TSSK3: variants seen among roughly 807,000 people sequenced by gnomAD.
TSSK3 encodes the protein testis specific serine kinase 3, also known as testis-specific serine/threonine-protein kinase 3.
Under a neutral mutation model 18.9 loss-of-function variants are expected in TSSK3, and 16 were observed. The observed-to-expected ratio is 0.85, with a 90% CI of 0.57 to 1.28. The LOEUF (loss-of-function observed/expected upper bound fraction) is 1.28. Ranked by LOEUF, TSSK3 falls within the 50% of genes most tolerant of loss-of-function variation. The pLI is 0.00. For synonymous variants in TSSK3, 146 were observed against 133.9 expected (o/e 1.09, Z -0.62); for missense variants, 345 against 341.0 (o/e 1.01, Z -0.09).
Position 32,362,778 on chromosome 1 carries a change from A to C in TSSK3, c.77A>C (p.Glu26Ala), listed in dbSNP as rs749548597. The change falls in exon 1 of 2, where the codon GAA becomes GCA. Residue 26 changes from glutamate (E) to alanine (A), a missense_variant. By Grantham distance (107) the Glu-to-Ala change is moderately radical. Transcript: ENST00000373534. ...GAAGGGACCTACTCAAAAGTCAAAGAAGCATTTTCCAAAAAACACCAAAGA... is the reference window on the plus strand; with the variant it reads ...GAAGGGACCTACTCAAAAGTCAAAGCAGCATTTTCCAAAAAACACCAAAGA... The part of the protein sequence containing the change: ...IGEGTYSKVK[E>A]AFSKKHQRKV... 1.1e-5 allele frequency: 17 copies of C among 1,614,098 alleles called. No individual in the cohort carries two copies. Among genetic ancestry groups the C allele is most frequent in the South Asian group, 9.9e-5 (9 of 91,084 alleles).
chr1:32,362,918 TAGAACG>T, intron 1 of TSSK3, 72 bp downstream of exon 1: 1 of 1,555,348 alleles, frequency 6.4e-7, no homozygotes, highest in Non-Finnish European at 8.8e-7. Context: ...TCCTGTTTGT[TAGAACG>T]ATCATTCGAT....
Position 32,363,870 on chromosome 1 carries a change from T to G in TSSK3, c.421T>G (p.Leu141Val). ...AHRDLKCENA[L>V]LQGFNLKLTD... is the part of the protein sequence containing the mutation. ...CCGGGACCTCAAATGTGAGAACGCC[T>G]TGTTGCAGGGCTTCAACCTGAAGCT... is the stretch of plus-strand genomic sequence containing the variant. Residue 141 changes from leucine to valine, a missense_variant, in exon 2 of 2, where the codon TTG (leucine) becomes GTG (valine). Transcript: ENST00000373534. 1 of 1,614,192 alleles carries G rather than the reference T, an allele frequency of 6.2e-7. No homozygotes were observed.
At position 32,362,680 on chromosome 1, in the gene TSSK3, T is replaced by G; in HGVS notation, c.-22T>G. 9.9e-6 allele frequency: 16 copies of G among 1,613,462 alleles called. No homozygotes were observed. The highest frequency in any genetic ancestry group is 1.4e-5 in the Non-Finnish European group (16 of 1,179,724). On this transcript the variant is annotated 5_prime_UTR_variant, in exon 1 of 2. Coordinates refer to ENST00000373534, the MANE Select transcript of TSSK3 (RefSeq NM_052841.4). ...GAGGCAGCATGAGCTGAGAGGGTGA[T>G]AGGAAGGCGGCGCTAGACAGCATGG...
rs772504585 is a variant in TSSK3, at chr1:32,362,816, A to G, written c.115A>G (p.Lys39Glu). 1.3e-5 allele frequency: 21 copies of G among 1,614,106 alleles called. No individual in the cohort carries two copies. The highest frequency in any genetic ancestry group is 1.8e-5 in the Non-Finnish European group (21 of 1,180,034). ...AAAACACCAAAGAAAAGTGGCAATT[A>G]AAGTTATAGACAAGATGGGAGGGCC... The part of the protein sequence containing the change: ...SKKHQRKVAI[K>E]VIDKMGGPEE... The change falls in exon 1 of 2, where the codon AAA (lysine) becomes GAA (glutamate). Residue 39 changes from lysine (K) to glutamate (E), a missense_variant. Coordinates refer to ENST00000373534, the MANE Select transcript of TSSK3 (RefSeq NM_052841.4).
In TSSK3 at chr1:32,362,923, C is replaced by G; in HGVS notation, c.145+77C>G. On this transcript the variant is annotated intron_variant, in intron 1 of 1. Coordinates refer to ENST00000373534, the MANE Select transcript of TSSK3 (RefSeq NM_052841.4). The stretch of plus-strand genomic sequence containing the variant: ...GGGTGCTTCCTCCTGTTTGTTAGAA[C>G]GATCATTCGATCATTCCCTGCTCCC... The G allele has an allele frequency of 1.0e-5, 15 of 1,503,438 alleles. No individual in the cohort carries two copies. The South Asian group carries it at 1.8e-4, about 18-fold the overall frequency. The allele number at this position is 1,503,438 out of a possible 1,614,324, so 93.1% of individuals were successfully genotyped here.
chr1:32,363,464 CTTAAGACCA>C (rs1570079884), intron 1 of TSSK3, 122 bp from the exon 2 acceptor site: 1 of 839,082 alleles, frequency 1.2e-6, no homozygotes, highest in East Asian at 2.6e-5. Context: ...GCTAGACACA[CTTAAGACCA>C]TTAAGAAAGC....
Position 32,364,201 on chromosome 1 carries a change from T to C in TSSK3, c.752T>C (p.Ile251Thr). Residue 251 changes from isoleucine to threonine, a missense_variant, in exon 2 of 2, where the codon ATC (isoleucine) becomes ACC (threonine). Coordinates refer to ENST00000373534, the MANE Select transcript of TSSK3 (RefSeq NM_052841.4). ...AAGAGGCTCCTGGAACCCGATATGA[T>C]CCTCCGGCCTTCAATTGAAGAAGTT... ...LLKRLLEPDM[I>T]LRPSIEEVSW... The C allele has an allele frequency of 6.2e-7, 1 of 1,610,352 alleles. No individual in the cohort carries two copies. The highest frequency in any genetic ancestry group is 8.5e-7 in the Non-Finnish European group (1 of 1,176,880).
At position 32,364,193 on chromosome 1, in the gene TSSK3, C is replaced by T. The variant is rs775073782; in HGVS notation, c.744C>T (p.Pro248=). 6.0e-5 allele frequency: 97 copies of T among 1,612,756 alleles called. No individual in the cohort carries two copies. Among genetic ancestry groups the T allele is most frequent in the African/African-American group, 2.7e-5 (2 of 74,878 alleles). ...ACCTGCTCAAGAGGCTCCTGGAACC[C>T]GATATGATCCTCCGGCCTTCAATTG... is the stretch of plus-strand genomic sequence containing the variant. ...CQDLLKRLLE[P]DMILRPSIEE... is the part of the protein sequence containing the mutation. Residue 248 remains proline, a synonymous_variant, in exon 2 of 2, where the codon CCC becomes CCT. Transcript: ENST00000373534.
chr1:32,362,944 C>T, intron 1 of TSSK3, 98 bp downstream of exon 1: 1 of 1,459,026 alleles, frequency 6.9e-7, no homozygotes, highest in South Asian at 1.3e-5. Context: ...TCATTCCCTG[C>T]TCCCGCTGGC....
At position 32,363,706 on chromosome 1, in the gene TSSK3, T is replaced by G; in HGVS notation, c.257T>G (p.Leu86Arg). The change falls in exon 2 of 2, where the codon CTG becomes CGG. Residue 86 changes from leucine to arginine, a missense_variant. Leu to Arg is a moderately radical substitution (Grantham distance 102). Transcript: ENST00000373534. The part of the protein sequence containing the change: ...MLESADGKIC[L>R]VMELAEGGDV... Reference sequence around the variant, plus strand: ...GAGTCTGCCGACGGGAAAATCTGCCTGGTGATGGAGCTCGCTGAGGGAGGG... The same window carrying G: ...GAGTCTGCCGACGGGAAAATCTGCCGGGTGATGGAGCTCGCTGAGGGAGGG... The G allele has an allele frequency of 1.2e-6, 2 of 1,614,164 alleles. No individual in the cohort carries two copies. The highest frequency in any genetic ancestry group is 1.7e-6 in the Non-Finnish European group (2 of 1,180,024).
chr1:32,363,582 C>T lies in TSSK3; in HGVS notation c.146-13C>T. The T allele has an allele frequency of 6.2e-7, 1 of 1,600,318 alleles. No individual in the cohort carries two copies. Among genetic ancestry groups the T allele is most frequent in the South Asian group, 1.1e-5 (1 of 90,078 alleles). On this transcript the variant is annotated splice_polypyrimidine_tract_variant and intron_variant, in intron 1 of 1. Transcript: ENST00000373534. ...GATCTGCCAGCCCATCTCTCCTCCCCTTACTTCCTCAGAGTTTATCCAGAG... is the reference window on the plus strand; with the variant it reads ...GATCTGCCAGCCCATCTCTCCTCCCTTTACTTCCTCAGAGTTTATCCAGAG...
chr1:32,364,216 T>A lies in TSSK3; in HGVS notation c.767T>A (p.Ile256Asn). The change falls in exon 2 of 2, where the codon ATT (isoleucine) becomes AAT (asparagine). Residue 256 changes from isoleucine (I) to asparagine (N), a missense_variant. Coordinates refer to ENST00000373534, the MANE Select transcript of TSSK3 (RefSeq NM_052841.4). ...LEPDMILRPS[I>N]EEVSWHPWLA... ...CCCGATATGATCCTCCGGCCTTCAA[T>A]TGAAGAAGTTAGTTGGCATCCATGG... 1 of 1,607,156 alleles carries A rather than the reference T, an allele frequency of 6.2e-7. No homozygotes were observed. The highest frequency in any genetic ancestry group is 1.1e-5 in the South Asian group (1 of 90,974).
intron 1 of TSSK3, 112 bp from the exon 2 acceptor site, chr1:32,363,483 C>G (rs1641748700): frequency 9.7e-7 from 1 of 1,030,454 alleles, no homozygotes. Context: ...ATTAAGAAAG[C>G]CAAGAAATAA....
rs773054094 is a variant in TSSK3, at chr1:32,363,572, C to G, written c.146-23C>G. The stretch of plus-strand genomic sequence containing the variant: ...GGGCCTTTCTGATCTGCCAGCCCAT[C>G]TCTCCTCCCCTTACTTCCTCAGAGT... On this transcript the variant is annotated intron_variant, in intron 1 of 1. Coordinates refer to ENST00000373534, the MANE Select transcript of TSSK3 (RefSeq NM_052841.4). 9 of 1,588,522 alleles carry G rather than the reference C, an allele frequency of 5.7e-6. No homozygotes were observed. The Admixed American group carries it at 6.8e-5, about 12-fold the overall frequency.
Position 32,362,599 on chromosome 1 carries a change from T to C in TSSK3, c.-103T>C. The C allele has an allele frequency of 7.1e-7, 1 of 1,407,864 alleles. No homozygotes were observed. The allele number at this position is 1,407,864 out of a possible 1,614,324, so 87.2% of individuals were successfully genotyped here. On this transcript the variant is annotated 5_prime_UTR_variant, in exon 1 of 2. Coordinates refer to ENST00000373534, the MANE Select transcript of TSSK3 (RefSeq NM_052841.4). The stretch of plus-strand genomic sequence containing the variant: ...ACGCTGGGGGCGGCTGCGGATGAAG[T>C]CCTTGGGGAGAAAAGGAGCAGGCCA...
In TSSK3 at chr1:32,363,662, C is replaced by A; in HGVS notation, c.213C>A (p.Ile71=). The A allele has an allele frequency of 6.2e-7, 1 of 1,614,220 alleles. No homozygotes were observed. Among genetic ancestry groups the A allele is most frequent in the Non-Finnish European group, 8.5e-7 (1 of 1,180,040 alleles). ...GTACCCTGGACCACAAGAACATCAT[C>A]CAGGTGTATGAGATGCTGGAGTCTG... ...IVRTLDHKNI[I]QVYEMLESAD... Residue 71 remains isoleucine (I), a synonymous_variant, in exon 2 of 2, where the codon ATC becomes ATA. Transcript: ENST00000373534.
At chr1:32,363,425 A>C in intron 1 of TSSK3, 170 bp from the exon 2 acceptor site, 1 of 650,542 alleles carries the variant, frequency 1.5e-6, no homozygotes, top group Admixed American at 2.9e-5. Flanking sequence ...AAAATAATAG[A>C]AGTGAACATT....
Position 32,362,546 on chromosome 1 carries a change from C to T in TSSK3, c.-156C>T. On this transcript the variant is annotated 5_prime_UTR_variant, in exon 1 of 2. Transcript: ENST00000373534. ...TGGCCCTGTCCCTCCCCACCACCCG[C>T]CGCTGTGTCCAGACAGAGAATGTTC... is the stretch of plus-strand genomic sequence containing the variant. 3.6e-6 allele frequency: 3 copies of T among 841,106 alleles called. No homozygotes were observed. Among genetic ancestry groups the T allele is most frequent in the East Asian group, 2.5e-5 (1 of 39,634 alleles). The allele number at this position is 841,106 out of a possible 1,614,324, so 52.1% of individuals were successfully genotyped here.
chr1:32,364,258 A>T lies in TSSK3; in HGVS notation c.*2A>T, dbSNP rs1322775279. On this transcript the variant is annotated 3_prime_UTR_variant, in exon 2 of 2. Coordinates refer to ENST00000373534, the MANE Select transcript of TSSK3 (RefSeq NM_052841.4). ...CATCCATGGCTAGCAAGCACTTGATAAAAGCAATGGCAAGTGCTCTCCAAT... is the reference window on the plus strand; with the variant it reads ...CATCCATGGCTAGCAAGCACTTGATTAAAGCAATGGCAAGTGCTCTCCAAT... 3 of 1,588,954 alleles carry T rather than the reference A, an allele frequency of 1.9e-6. No individual in the cohort carries two copies. The highest frequency in any genetic ancestry group is 2.6e-6 in the Non-Finnish European group (3 of 1,163,618).
Sources: gnomAD v4.1 joint callset for allele counts on GRCh38, gnomAD v4.1.1 for gene constraint, MANE v1.5 for transcripts, NCBI Gene and HGNC (gene_info 2026-07-23, HGNC 2026-07-21) for gene names.